TRPM6: variants seen among roughly 807,000 people sequenced by gnomAD.
TRPM6 encodes transient receptor potential cation channel subfamily M member 6.
A neutral mutation model predicts 247.6 loss-of-function variants in TRPM6; 111 were observed. The observed-to-expected ratio is 0.45, with a 90% CI of 0.38 to 0.52. The LOEUF is 0.52. Among genes scored for constraint, TRPM6 ranks in the 20% least tolerant of loss-of-function variants. TRPM6 has a pLI of 0.00. For synonymous variants in TRPM6, 892 were observed against 853.8 expected (o/e 1.04, Z -0.78); for missense variants, 2,126 against 2,421.5 (o/e 0.88, Z 2.56).
intron 25 of TRPM6, among the ~76,000 whole-genome samples, chr9:74,766,840 G>A (rs1826843184): frequency 6.6e-6 from 1 of 152,086 alleles, no homozygotes. Flanking sequence ...AACCCAGGGA[G>A]CAGAGGTTGC....
chr9:74,859,015 G>A (rs1049493811), intron 1 of TRPM6, among the ~76,000 whole-genome samples: 2 of 152,220 alleles, frequency 1.3e-5, no homozygotes, highest in African/African-American at 4.8e-5. Flanking sequence ...CAAACCCCTA[G>A]CAAGGAAGTA....
In TRPM6 at chr9:74,728,267, G is replaced by A. The variant is rs1156278682; in HGVS notation, c.5907C>T (p.Asn1969=). ...GGAGTTTGAGCTTCCGGCAGCAGGA[G>A]TTACAATGATGTTTTGCAATGAAGT... ...IRNFIAKHHC[N]SCCRKLKLPD... is the part of the protein sequence containing the mutation. The change falls in exon 38 of 39, where the codon AAC becomes AAT. Residue 1969 remains asparagine, a synonymous_variant. Transcript: ENST00000360774. 6.2e-7 allele frequency: 1 copy of A among 1,614,138 alleles called. No homozygotes were observed. The highest frequency in any genetic ancestry group is 8.5e-7 in the Non-Finnish European group (1 of 1,179,998).
At chr9:74,852,440 C>T (rs1830356587) in intron 3 of TRPM6, among the ~76,000 whole-genome samples, 1 of 140,144 alleles carries the variant, frequency 7.1e-6, no homozygotes, top group African/African-American at 2.6e-5. Context: ...CTCCCTCTCC[C>T]GCTCCCCCTC....
In TRPM6 at chr9:74,808,096, G is replaced by A. The variant is rs769493707; in HGVS notation, c.1576C>T (p.Arg526Cys). Residue 526 changes from arginine to cysteine, a missense_variant, in exon 14 of 39, where the codon CGC becomes TGC. Transcript: ENST00000360774. ...AAATGTTTTCTAGTGTAGTTGCTGC[G>A]ATATGCTCTACCAATGAGGTATTCT... ...VVEYLIGRAY[R>C]SNYTRKHFRA... 2.5e-6 allele frequency: 4 copies of A among 1,613,754 alleles called. No individual in the cohort carries two copies. Among genetic ancestry groups the A allele is most frequent in the African/African-American group, 1.3e-5 (1 of 74,872 alleles).
At chr9:74,804,419 A>G (rs979607202) in intron 14 of TRPM6, 15 of 527,668 alleles carry the variant, frequency 2.8e-5, no homozygotes, top group Non-Finnish European at 4.4e-5. Context: ...ACAAGATACA[A>G]AAACAAAAAG....
chr9:74,739,243 G>C, intron 35 of TRPM6, 124 bp downstream of exon 35: 1 of 972,690 alleles, frequency 1.0e-6, no homozygotes, highest in East Asian at 2.5e-5. Flanking sequence ...ATGGAAGGAA[G>C]AATCCAAAAA....
intron 33 of TRPM6, among the ~76,000 whole-genome samples, 195 bp from the exon 34 acceptor site, chr9:74,740,204 G>A (rs375030608): frequency 7.2e-5 from 11 of 152,206 alleles, no homozygotes; most frequent in African/African-American, 2.4e-4. Flanking sequence ...TCTAGTAGAT[G>A]TGGGGAAGGG....
chr9:74,828,372 T>A (rs926400060), intron 6 of TRPM6, among the ~76,000 whole-genome samples: 10 of 151,976 alleles, frequency 6.6e-5, no homozygotes, highest in Non-Finnish European at 5.9e-5. Flanking sequence ...AAAAAAAGTA[T>A]TACTTGCAAT....
chr9:74,775,851 C>G (rs1055692596), intron 24 of TRPM6, 32 bp downstream of exon 24: 3 of 1,611,956 alleles, frequency 1.9e-6, no homozygotes, highest in African/African-American at 2.7e-5. Context: ...ACTTTTTGCT[C>G]TCTTTCTCCT....
intron 11 of TRPM6, among the ~76,000 whole-genome samples, chr9:74,815,143 G>C (rs887134696): frequency 4.6e-5 from 7 of 151,998 alleles, no homozygotes; most frequent in Non-Finnish European, 1.0e-4. Flanking sequence ...GAAGAGAAGG[G>C]AATGGAATGC....
At position 74,852,452 on chromosome 9, in the gene TRPM6, T is replaced by TCC. The variant is rs1587581077; in HGVS notation, c.152+3073_152+3074dup. On this transcript the variant is annotated intron_variant, in intron 3 of 38. Coordinates refer to ENST00000360774, the MANE Select transcript of TRPM6 (RefSeq NM_017662.5). ...CCGCTCCCTCTCCCGCTCCCCCTCC[T>TCC]CCCTCTCCCTCTCCCTCTCCCTCTC... Among the ~76,000 whole-genome samples, 13 of 68,890 alleles carry TCC rather than the reference T, an allele frequency of 1.9e-4. 1 individual carries two copies. Among genetic ancestry groups the TCC allele is most frequent in the South Asian group, 1.4e-3 (2 of 1,442 alleles). The allele number at this position is 68,890 out of a possible 152,430, so 45.2% of individuals were successfully genotyped here.
At chr9:74,793,447 G>C (rs1237453562) in intron 18 of TRPM6, among the ~76,000 whole-genome samples, 1 of 152,020 alleles carries the variant, frequency 6.6e-6, no homozygotes, top group African/African-American at 2.4e-5. Flanking sequence ...CGCCTCCCAG[G>C]TTCAAGAGAT....
At chr9:74,739,553 C>T (rs1825796102) in intron 34 of TRPM6, 104 bp from the exon 35 acceptor site, 4 of 1,486,236 alleles carry the variant, frequency 2.7e-6, no homozygotes, top group South Asian at 1.1e-5. Context: ...CCTTATTCAA[C>T]TCCCACCACT....
chr9:74,832,406 C>T (rs114614221), intron 6 of TRPM6, among the ~76,000 whole-genome samples: 13,271 of 151,896 alleles, frequency 0.087, 1,852 homozygotes, highest in African/African-American at 0.3. Flanking sequence ...ACTTAAGAAA[C>T]CCTGTTTTTG....
chr9:74,773,967 A>G (rs960134029), intron 24 of TRPM6, among the ~76,000 whole-genome samples: 69 of 152,334 alleles, frequency 4.5e-4, no homozygotes, highest in African/African-American at 1.6e-3. Context: ...GAAACTTTAC[A>G]GGTGTCATGA....
chr9:74,846,768 T>A (rs1360092465), intron 3 of TRPM6, among the ~76,000 whole-genome samples: 1 of 152,128 alleles, frequency 6.6e-6, no homozygotes, highest in African/African-American at 2.4e-5. Flanking sequence ...AGGCTGGCCT[T>A]GAACTGCTGA....
chr9:74,853,495 C>G (rs541870212), intron 3 of TRPM6, among the ~76,000 whole-genome samples: 4 of 152,304 alleles, frequency 2.6e-5, no homozygotes, highest in African/African-American at 9.6e-5. Flanking sequence ...ATAGGAGACT[C>G]CATTTTGTTC....
At chr9:74,873,866 GA>G (rs938440907) in intron 1 of TRPM6, among the ~76,000 whole-genome samples, 9 of 145,846 alleles carry the variant, frequency 6.2e-5, no homozygotes, top group Non-Finnish European at 1.1e-4. Context: ...TTTTTATTCA[GA>G]AAAAAAAAAC....
intron 25 of TRPM6, among the ~76,000 whole-genome samples, chr9:74,764,034 C>T (rs1826743590): frequency 6.6e-6 from 1 of 151,518 alleles, no homozygotes; most frequent in South Asian, 2.1e-4. Context: ...CCTGTAATCC[C>T]TGCTACTCAG....
Sources: allele counts gnomAD v4.1 joint callset (sites outside exome capture counted in the v4.1 genomes callset), GRCh38; gene constraint gnomAD v4.1.1; transcripts MANE v1.5; gene names NCBI Gene and HGNC (gene_info 2026-07-23, HGNC 2026-07-21).